LTBP1: variants seen among roughly 807,000 people sequenced by gnomAD.
LTBP1 encodes latent-transforming growth factor beta-binding protein 1.
In LTBP1, 129 loss-of-function variants were observed where a neutral mutation model predicts 207.6. That is an observed-to-expected ratio of 0.62 (90% CI 0.54 to 0.72). The LOEUF (loss-of-function observed/expected upper bound fraction) is 0.72, where lower values mean the gene tolerates loss of function less well. LTBP1 is among the 30% of genes least tolerant of loss of function. The probability of loss-of-function intolerance (pLI) is 0.00; values close to 1 mark genes in which losing one functional copy is unlikely to be tolerated. For missense variants in LTBP1, 2,281 were observed against 2,217.2 expected (o/e 1.03, Z -0.58); for synonymous variants, 963 against 833.7 (o/e 1.16, Z -2.67).
intron 2 of LTBP1, among the ~76,000 whole-genome samples, chr2:32,953,289 C>T (rs780151979): frequency 3.9e-5 from 6 of 152,162 alleles, no homozygotes; most frequent in Non-Finnish European, 8.8e-5. Flanking sequence ...CTCAGGCTGT[C>T]CCCCATCCCT....
chr2:33,029,628 A>G (rs2075597247), intron 3 of LTBP1, among the ~76,000 whole-genome samples: 1 of 152,246 alleles, frequency 6.6e-6, no homozygotes, highest in African/African-American at 2.4e-5. Flanking sequence ...CCTGGCCCAC[A>G]GTCACTCAGC....
At chr2:33,307,344 A>G (rs2094114636) in intron 22 of LTBP1, among the ~76,000 whole-genome samples, 1 of 152,244 alleles carries the variant, frequency 6.6e-6, no homozygotes, top group South Asian at 2.1e-4. Flanking sequence ...AGAAATATTT[A>G]TAGAAACCTT....
At chr2:33,017,922 G>A (rs1688615570) in intron 2 of LTBP1, among the ~76,000 whole-genome samples, 1 of 152,160 alleles carries the variant, frequency 6.6e-6, no homozygotes, top group South Asian at 2.1e-4. Flanking sequence ...CTTCTCTTGG[G>A]AGTTAGGGAA....
intron 25 of LTBP1, among the ~76,000 whole-genome samples, chr2:33,344,056 C>T (rs1395988398): frequency 5.9e-5 from 9 of 152,110 alleles, no homozygotes; most frequent in Non-Finnish European, 2.9e-5. Flanking sequence ...GTTCATTTGC[C>T]ATCCATATTA....
At chr2:33,111,041 C>T (rs960038496) in intron 4 of LTBP1, among the ~76,000 whole-genome samples, 8 of 152,132 alleles carry the variant, frequency 5.3e-5, no homozygotes, top group Admixed American at 5.2e-4. Flanking sequence ...AACTTTGGGT[C>T]CAGTCATATG....
intron 26 of LTBP1, among the ~76,000 whole-genome samples, chr2:33,348,151 G>A (rs1012372991): frequency 3.9e-5 from 6 of 152,120 alleles, no homozygotes; most frequent in Non-Finnish European, 7.4e-5. Context: ...TTGTATTTTA[G>A]GGAAAGCAAA....
At chr2:32,953,973 A>T (rs1394179761) in intron 2 of LTBP1, among the ~76,000 whole-genome samples, 1 of 152,076 alleles carries the variant, frequency 6.6e-6, no homozygotes, top group Non-Finnish European at 1.5e-5. Flanking sequence ...GGAGCTGCCG[A>T]TGGGGTGGGG....
At chr2:33,057,771 A>G (rs2077074817) in intron 3 of LTBP1, among the ~76,000 whole-genome samples, 1 of 152,216 alleles carries the variant, frequency 6.6e-6, no homozygotes, top group African/African-American at 2.4e-5. Context: ...CTGGCCTGCA[A>G]GCACCACGTG....
intron 19 of LTBP1, among the ~76,000 whole-genome samples, chr2:33,285,309 TG>T (rs1161057473): frequency 6.6e-6 from 1 of 152,068 alleles, no homozygotes; most frequent in East Asian, 1.9e-4. Context: ...CCGAAAGTGC[TG>T]GGATTACAGG....
At chr2:33,300,658 C>T in intron 21 of LTBP1, 85 bp downstream of exon 21, 3 of 1,395,532 alleles carry the variant, frequency 2.1e-6, no homozygotes, top group Non-Finnish European at 2.9e-6. Flanking sequence ...GTGAGTTTAC[C>T]TTTTAAAAAT....
chr2:33,263,475 A>G, intron 15 of LTBP1, 83 bp downstream of exon 15: 1 of 974,222 alleles, frequency 1.0e-6, no homozygotes, highest in Non-Finnish European at 1.6e-6. Flanking sequence ...TCCATTATAT[A>G]AGCTTGCTCA....
intron 10 of LTBP1, among the ~76,000 whole-genome samples, chr2:33,251,352 C>G (rs532090975): frequency 3.3e-5 from 5 of 152,198 alleles, no homozygotes; most frequent in Non-Finnish European, 2.9e-5. Flanking sequence ...TCAGGAAGTC[C>G]TCCCCTAAAA....
intron 24 of LTBP1, among the ~76,000 whole-genome samples, chr2:33,341,067 A>G (rs1249900358): frequency 7.8e-6 from 1 of 128,970 alleles, no homozygotes; most frequent in Non-Finnish European, 1.6e-5. Context: ...ATGCTGTTAC[A>G]TTTTCTTAAT....
intron 7 of LTBP1, among the ~76,000 whole-genome samples, chr2:33,198,685 T>G (rs1053786212): frequency 1.3e-5 from 2 of 152,252 alleles, no homozygotes; most frequent in Non-Finnish European, 2.9e-5. Flanking sequence ...TGTATTAGCG[T>G]AGAGGTGTTT....
intron 18 of LTBP1, among the ~76,000 whole-genome samples, chr2:33,278,315 C>T (rs1174926633): frequency 2.0e-5 from 3 of 151,866 alleles, no homozygotes; most frequent in Non-Finnish European, 4.4e-5. Context: ...ACTAGCGTTC[C>T]CTCAGTAAAT....
intron 3 of LTBP1, among the ~76,000 whole-genome samples, chr2:33,063,853 C>CTTTTT (rs58115868): frequency 2.0e-5 from 3 of 147,580 alleles, no homozygotes; most frequent in Non-Finnish European, 1.5e-5. Flanking sequence ...ATTGTATATT[C>CTTTTT]TTTTTTTTTT....
At chr2:33,315,050 C>T in intron 23 of LTBP1, 94 bp from the exon 24 acceptor site, 2 of 979,102 alleles carry the variant, frequency 2.0e-6, no homozygotes, top group Non-Finnish European at 3.0e-6. Flanking sequence ...AATGTCCAGC[C>T]ATGTCATAAT....
intron 2 of LTBP1, among the ~76,000 whole-genome samples, chr2:32,966,804 T>G (rs1680077395): frequency 6.6e-6 from 1 of 152,172 alleles, no homozygotes; most frequent in African/African-American, 2.4e-5. Flanking sequence ...TTTTTGTATC[T>G]GTGTTCATGA....
At chr2:33,028,391 C>T (rs1249602459) in intron 3 of LTBP1, among the ~76,000 whole-genome samples, 1 of 152,116 alleles carries the variant, frequency 6.6e-6, no homozygotes, top group East Asian at 1.9e-4. Flanking sequence ...TGTGAGAGGC[C>T]TAGCGTGGTG....
Sources: allele counts gnomAD v4.1 joint callset (sites outside exome capture counted in the v4.1 genomes callset), GRCh38; gene constraint gnomAD v4.1.1; transcripts MANE v1.5; gene names NCBI Gene and HGNC (gene_info 2026-07-23, HGNC 2026-07-21).